The following LTK variants were observed in gnomAD, a reference collection of about 807,000 sequenced individuals.
The protein encoded by LTK is leukocyte receptor tyrosine kinase.
LTK carries 117 observed loss-of-function variants against 101.5 expected under a neutral mutation model. That is an observed-to-expected ratio of 1.15 (90% confidence interval 0.99 to 1.34). LTK has a LOEUF of 1.34. Among genes scored for constraint, LTK ranks in the 40% most tolerant of loss-of-function variants. LTK has a pLI of 0.00. For synonymous variants in LTK, 563 were observed against 494.2 expected (o/e 1.14, Z -1.85); for missense variants, 1,252 against 1,164.7 (o/e 1.07, Z -1.09).
At position 41,503,811 on chromosome 15, in the gene LTK, G is replaced by C. The variant is rs771226999; in HGVS notation, c.*185C>G. On this transcript the variant is annotated 3_prime_UTR_variant, in exon 20 of 20. Coordinates refer to ENST00000263800, the MANE Select transcript of LTK (RefSeq NM_002344.6). Reference sequence around the variant, plus strand: ...TGGAAGTGGCTGGGCCCTTCCCTGGGAGGCCTGGGCTGGTTTCCAGCATGG... The same window carrying C: ...TGGAAGTGGCTGGGCCCTTCCCTGGCAGGCCTGGGCTGGTTTCCAGCATGG... The C allele has an allele frequency of 4.8e-5, 34 of 705,650 alleles. No individual in the cohort carries two copies. The highest frequency in any genetic ancestry group is 7.0e-5 in the Non-Finnish European group (30 of 430,938). 43.7% of individuals were successfully genotyped at this position (705,650 alleles called of 1,614,324 possible). A position where few individuals can be genotyped will look rare whatever the true frequency, so the allele number is the denominator to read the frequency against.
intron 1 of LTK, 65 bp from the exon 2 acceptor site, chr15:41,513,185 G>A: frequency 4.0e-6 from 6 of 1,503,758 alleles, no homozygotes; most frequent in Middle Eastern, 1.8e-4. Context: ...GAAAGAAAGA[G>A]AGAACCCCGC....
chr15:41,505,136 A>G, intron 15 of LTK, 72 bp from the exon 16 acceptor site: 10 of 1,587,328 alleles, frequency 6.3e-6, no homozygotes, highest in Non-Finnish European at 8.6e-6. Flanking sequence ...TTTCCTTAAA[A>G]GCTGTGTGGA....
At chr15:41,506,778 T>TG (rs1465259011) in intron 11 of LTK, among the ~76,000 whole-genome samples, 1 of 150,534 alleles carries the variant, frequency 6.6e-6, no homozygotes, top group African/African-American at 2.5e-5. Context: ...TTAGTAGAGA[T>TG]GGGGTTTCTC....
chr15:41,503,984 GC>G lies in LTK; in HGVS notation c.*11del. ...CAGTGCCTCAGTCCTTACCCTCAGG[GC>G]CCCTTGGGGCTCAGGAGCGATAAGT... On this transcript the variant is annotated 3_prime_UTR_variant, in exon 20 of 20. Transcript: ENST00000263800. 1 of 1,585,208 alleles carries G rather than the reference GC, an allele frequency of 6.3e-7. No homozygotes were observed. The highest frequency in any genetic ancestry group is 1.1e-5 in the South Asian group (1 of 87,434).
At chr15:41,506,507 G>C (rs923107394) in intron 11 of LTK, among the ~76,000 whole-genome samples, 4 of 151,920 alleles carry the variant, frequency 2.6e-5, no homozygotes, top group African/African-American at 9.7e-5. Flanking sequence ...GTTTCACCAT[G>C]TTGGCCAGGC....
rs141710966 is a variant in LTK, at chr15:41,508,564, AAAATAAATAAATAAATAAATAAAT to A, written c.1097-367_1097-344del. Among the ~76,000 whole-genome samples the A allele has an allele frequency of 2.1e-3, 307 of 145,662 alleles. 1 individual carries two copies. Among genetic ancestry groups the A allele is most frequent in the Non-Finnish European group, 3.4e-3 (227 of 66,544 alleles). The stretch of plus-strand genomic sequence containing the variant: ...AGAGCGAGACTCTGTCTCAAAAATA[AAAATAAATAAATAAATAAATAAAT>A]AAATAAATAAATAAATACATGCCTT... On this transcript the variant is annotated intron_variant, in intron 8 of 19. Coordinates refer to ENST00000263800, the MANE Select transcript of LTK (RefSeq NM_002344.6).
Position 41,512,266 on chromosome 15 carries a change from C to T in LTK, c.360-1G>A. 8 of 1,610,866 alleles carry T rather than the reference C, an allele frequency of 5.0e-6. No individual in the cohort carries two copies. Among genetic ancestry groups the T allele is most frequent in the Non-Finnish European group, 6.8e-6 (8 of 1,178,742 alleles). Reference sequence around the variant, plus strand: ...GCCCGCGGCTCCGTAGGCTGAGATCCTGCGGGGAACGGACGGTGAGTCCCC... The same window carrying T: ...GCCCGCGGCTCCGTAGGCTGAGATCTTGCGGGGAACGGACGGTGAGTCCCC... On this transcript the variant is annotated splice_acceptor_variant, in intron 3 of 19. Transcript: ENST00000263800. LOFTEE classifies it high-confidence loss of function.
intron 2 of LTK, 31 bp from the exon 3 acceptor site, chr15:41,512,909 G>A (rs373695009): frequency 6.2e-7 from 1 of 1,607,296 alleles, no homozygotes; most frequent in Non-Finnish European, 8.5e-7. Context: ...AAGGGTCGTC[G>A]AGCCCCTGGC....
Position 41,513,714 on chromosome 15 carries a change from G to A in LTK, c.-5C>T, listed in dbSNP as rs201187554. The A allele has an allele frequency of 4.4e-5, 71 of 1,608,616 alleles. No homozygotes were observed. The highest frequency in any genetic ancestry group is 5.7e-5 in the Non-Finnish European group (67 of 1,177,062). On this transcript the variant is annotated 5_prime_UTR_variant, in exon 1 of 20. Coordinates refer to ENST00000263800, the MANE Select transcript of LTK (RefSeq NM_002344.6). ...CAGCTGTCCCCAGCAGCCCATCCCT[G>A]TTGGGTCCACCCGGCAACAAAAGCC...
rs2051469020 is a variant in LTK at position 41,511,684 on chromosome 15, CCA to C, written c.658-108_658-107del. 2 of 1,408,632 alleles carry C rather than the reference CCA, an allele frequency of 1.4e-6. No individual in the cohort carries two copies. The highest frequency in any genetic ancestry group is 3.1e-5 in the African/African-American group (2 of 65,256). The allele number at this position is 1,408,632 out of a possible 1,614,324, so 87.3% of individuals were successfully genotyped here. A position where few individuals can be genotyped will look rare whatever the true frequency, so the allele number is the denominator to read the frequency against. On this transcript the variant is annotated intron_variant, in intron 5 of 19. Coordinates refer to ENST00000263800, the MANE Select transcript of LTK (RefSeq NM_002344.6). This position sits in a 1 kb window ranked among gnomAD's most constrained non-coding sequence, Gnocchi z 5.9. Reference sequence around the variant, plus strand: ...GGGGCCTGGATAAGGGCAGGGGCCCCCAGCCCAGCCCAGGCCAGCCCAGCCCA... The same window carrying C: ...GGGGCCTGGATAAGGGCAGGGGCCCCGCCCAGCCCAGGCCAGCCCAGCCCA...
intron 1 of LTK, 97 bp from the exon 2 acceptor site, chr15:41,513,217 G>T: frequency 1.4e-6 from 2 of 1,409,260 alleles, no homozygotes; most frequent in Non-Finnish European, 1.9e-6. Context: ...TTGCGGTCGC[G>T]GCCACACCCG....
At chr15:41,505,869 G>T (rs753629738) in intron 12 of LTK, 46 bp downstream of exon 12, 2 of 1,599,624 alleles carry the variant, frequency 1.3e-6, no homozygotes, top group African/African-American at 1.3e-5. Context: ...TTCCCTTCAG[G>T]GTGTTCCGCT....
chr15:41,506,869 T>C (rs954478490), intron 11 of LTK, among the ~76,000 whole-genome samples: 2 of 152,100 alleles, frequency 1.3e-5, no homozygotes, highest in Admixed American at 1.3e-4. Context: ...GGATTACAGG[T>C]GTGAGCCACC....
At chr15:41,512,625 T>C (rs1246392549) in intron 3 of LTK, 82 bp downstream of exon 3, 32 of 1,423,808 alleles carry the variant, frequency 2.2e-5, no homozygotes, top group Non-Finnish European at 2.8e-5. Flanking sequence ...CGCAAGTCGG[T>C]GCGCACGTGG....
Position 41,508,235 on chromosome 15 carries a change from A to G in LTK, c.1097-14T>C. On this transcript the variant is annotated splice_polypyrimidine_tract_variant and intron_variant, in intron 8 of 19. Coordinates refer to ENST00000263800, the MANE Select transcript of LTK (RefSeq NM_002344.6). ...GGTTCTCGGTGACTGTGAGTAAAAG[A>G]ACTGATATGATATGGTGTGGTAGGG... 1 of 1,606,530 alleles carries G rather than the reference A, an allele frequency of 6.2e-7. No individual in the cohort carries two copies. Among genetic ancestry groups the G allele is most frequent in the Non-Finnish European group, 8.5e-7 (1 of 1,176,480 alleles).
At chr15:41,510,615 C>T (rs138102212) in intron 7 of LTK, among the ~76,000 whole-genome samples, 27 of 152,248 alleles carry the variant, frequency 1.8e-4, no homozygotes, top group African/African-American at 6.0e-4. Flanking sequence ...GCTCCCGCCA[C>T]CACGCCCGGC....
At chr15:41,512,062 G>A in intron 4 of LTK, 53 bp downstream of exon 4, 2 of 1,517,866 alleles carry the variant, frequency 1.3e-6, no homozygotes, top group Non-Finnish European at 1.8e-6. Flanking sequence ...CGGCCCCCAG[G>A]CAGCCCTCGC....
chr15:41,511,804 A>C lies in LTK; in HGVS notation c.657+13T>G. On this transcript the variant is annotated intron_variant, in intron 5 of 19. Transcript: ENST00000263800. This position sits in a 1 kb window ranked among gnomAD's most constrained non-coding sequence, Gnocchi z 5.9. ...TTGGGACCCCAACGCTGAGCGCCGA[A>C]GGGAGCACGTACCCGGAAAACGTAG... 1 of 1,488,846 alleles carries C rather than the reference A, an allele frequency of 6.7e-7. No individual in the cohort carries two copies. The highest frequency in any genetic ancestry group is 8.9e-7 in the Non-Finnish European group (1 of 1,129,526). The allele number at this position is 1,488,846 out of a possible 1,614,324, so 92.2% of individuals were successfully genotyped here. A position where few individuals can be genotyped will look rare whatever the true frequency, so the allele number is the denominator to read the frequency against.
rs950719604 is a variant in LTK at position 41,507,199 on chromosome 15, T to C, written c.1437A>G (p.Thr479=). The change falls in exon 11 of 20, where the codon ACA becomes ACG. Residue 479 remains threonine, a synonymous_variant. Coordinates refer to ENST00000263800, the MANE Select transcript of LTK (RefSeq NM_002344.6). ...CCTGGCAATAATAGGGATTGGGGGC[T>C]GTCCTGATGGCAGAGGTTCGAAGCT... is the stretch of plus-strand genomic sequence containing the variant. ...LSKLRTSAIR[T]APNPYYCQVG... The C allele has an allele frequency of 6.2e-7, 1 of 1,613,918 alleles. No homozygotes were observed. Among genetic ancestry groups the C allele is most frequent in the Non-Finnish European group, 8.5e-7 (1 of 1,179,966 alleles).
Sources: gnomAD v4.1 joint callset for allele counts (sites outside exome capture counted in the v4.1 genomes callset) on GRCh38, gnomAD v4.1.1 for gene constraint, Gnocchi (gnomAD v3.1) non-coding constraint, MANE v1.5 for transcripts, NCBI Gene and HGNC (gene_info 2026-07-23, HGNC 2026-07-21) for gene names.